The following PPWD1 variants were observed in gnomAD, a reference collection of about 807,000 sequenced individuals.
PPWD1 encodes peptidylprolyl isomerase domain and WD repeat-containing protein 1.
PPWD1 carries 43 observed loss-of-function variants against 68.8 expected under a neutral mutation model. The observed-to-expected ratio is 0.62, with a 90% CI of 0.49 to 0.81. The LOEUF (loss-of-function observed/expected upper bound fraction) is 0.81, where lower values mean the gene tolerates loss of function less well. PPWD1 is among the 30% of genes least tolerant of loss of function. PPWD1 has a pLI of 0.00. For missense variants in PPWD1, 672 were observed against 804.8 expected (o/e 0.83, Z 2.00); for synonymous variants, 232 against 258.7 (o/e 0.90, Z 0.99).
chr5:65,567,725 A>G lies in PPWD1; in HGVS notation c.299+110A>G, dbSNP rs1421624116. ...TAATTTTAAGATTTTGTAGATTTTT[A>G]ATTTCTTAAGTTCTGAAATAAAGGC... On this transcript the variant is annotated intron_variant, in intron 2 of 10. Transcript: ENST00000261308. 2.9e-6 allele frequency: 4 copies of G among 1,373,708 alleles called. No individual in the cohort carries two copies. In the African/African-American group the frequency reaches 5.8e-5, roughly 20 times the overall value. 85.1% of individuals were successfully genotyped at this position (1,373,708 alleles called of 1,614,324 possible).
At chr5:65,572,851 A>G (rs1024313195) in intron 5 of PPWD1, among the ~76,000 whole-genome samples, 6 of 152,058 alleles carry the variant, frequency 3.9e-5, no homozygotes, top group Admixed American at 3.3e-4. Flanking sequence ...GCTGTCACTA[A>G]CCATAGTTCA....
At chr5:65,566,934 GA>G (rs1752803780) in intron 1 of PPWD1, among the ~76,000 whole-genome samples, 1 of 151,478 alleles carries the variant, frequency 6.6e-6, no homozygotes, top group Non-Finnish European at 1.5e-5. Context: ...TTTGCCGTTG[GA>G]AAAAATTTGA....
chr5:65,585,834 A>G (rs941120636), intron 9 of PPWD1, 165 bp from the exon 10 acceptor site: 1 of 805,770 alleles, frequency 1.2e-6, no homozygotes, highest in Non-Finnish European at 1.5e-6. Context: ...TGGTTGGGCA[A>G]TGGAAATACA....
chr5:65,586,401 C>T (rs918038447), intron 10 of PPWD1, among the ~76,000 whole-genome samples: 1 of 152,104 alleles, frequency 6.6e-6, no homozygotes, highest in Non-Finnish European at 1.5e-5. Flanking sequence ...CAATGGACTA[C>T]GATTCAAGAT....
chr5:65,569,359 T>C, intron 2 of PPWD1: 1 of 288,270 alleles, frequency 3.5e-6, no homozygotes, highest in Non-Finnish European at 6.6e-6. Context: ...TAGTGATTCC[T>C]AGTGAGATTT....
chr5:65,583,431 G>C, intron 8 of PPWD1: 1 of 388,550 alleles, frequency 2.6e-6, no homozygotes. Context: ...GGTTCATTAC[G>C]AGGACAAAAT....
intron 5 of PPWD1, among the ~76,000 whole-genome samples, chr5:65,573,662 C>T (rs1438557822): frequency 2.7e-5 from 4 of 149,782 alleles, no homozygotes; most frequent in Non-Finnish European, 4.4e-5. Flanking sequence ...GTGTGAGGCA[C>T]GGTGCCAAGC....
Position 65,583,089 on chromosome 5 carries a change from G to GTT in PPWD1, c.1406_1407dup (p.Asn470LeufsTer68). On this transcript the variant is annotated frameshift_variant, in exon 8 of 11. Transcript: ENST00000261308. LOFTEE classifies it high-confidence loss of function. ...GAAAAGTGCAGATTCTGATCGAGATGTTTTTAATGAGAAACCTTCTAAAGA... is the reference window on the plus strand; with the variant it reads ...GAAAAGTGCAGATTCTGATCGAGATGTTTTTTTAATGAGAAACCTTCTAAAGA... 1 of 1,612,594 alleles carries GTT rather than the reference G, an allele frequency of 6.2e-7. No homozygotes were observed. The highest frequency in any genetic ancestry group is 1.1e-5 in the South Asian group (1 of 90,746).
intron 1 of PPWD1, among the ~76,000 whole-genome samples, chr5:65,564,780 CT>C (rs1752634112): frequency 6.6e-6 from 1 of 152,028 alleles, no homozygotes. Flanking sequence ...CGGTCTTGTA[CT>C]TTTTTTTCCT....
intron 5 of PPWD1, among the ~76,000 whole-genome samples, chr5:65,573,042 A>C (rs1454677653): frequency 6.6e-6 from 1 of 152,132 alleles, no homozygotes; most frequent in African/African-American, 2.4e-5. Context: ...GTCATGGCTT[A>C]CCATGTTGTG....
At chr5:65,578,625 C>T (rs1427607909) in intron 6 of PPWD1, among the ~76,000 whole-genome samples, 1 of 151,428 alleles carries the variant, frequency 6.6e-6, no homozygotes, top group Non-Finnish European at 1.5e-5. Flanking sequence ...ATTTGTATAT[C>T]TCTTTGATGA....
chr5:65,579,846 A>G (rs1481818815), intron 7 of PPWD1, among the ~76,000 whole-genome samples: 1 of 152,190 alleles, frequency 6.6e-6, no homozygotes, highest in Admixed American at 6.5e-5. Context: ...TTCCACAACT[A>G]TTTGTGTTGT....
At chr5:65,570,094 C>A (rs13167451) in intron 4 of PPWD1, 96 bp downstream of exon 4, 34,050 of 1,240,960 alleles carry the variant, frequency 0.027, 825 homozygotes, top group Middle Eastern at 0.092. Flanking sequence ...TAGTATATTA[C>A]CATATCTTTA....
rs1753504641 is a variant in PPWD1 at position 65,579,564 on chromosome 5, C to G, written c.1301C>G (p.Ala434Gly). 2 of 1,607,518 alleles carry G rather than the reference C, an allele frequency of 1.2e-6. No individual in the cohort carries two copies. Among genetic ancestry groups the G allele is most frequent in the Non-Finnish European group, 1.7e-6 (2 of 1,177,704 alleles). Residue 434 changes from alanine to glycine, a missense_variant, in exon 7 of 11, where the codon GCT becomes GGT. Transcript: ENST00000261308. ...AATCCTGTTCTTCAGAATATTCAAG[C>G]TGACCCAACAATAGTCTGTACATCA... is the stretch of plus-strand genomic sequence containing the variant. ...SENPVLQNIQ[A>G]DPTIVCTSFK...
intron 1 of PPWD1, among the ~76,000 whole-genome samples, chr5:65,564,714 C>T (rs1363842904): frequency 1.3e-5 from 2 of 152,136 alleles, no homozygotes; most frequent in African/African-American, 4.8e-5. Context: ...CTTCCATTAC[C>T]TTCCTCTCCC....
At chr5:65,565,610 TG>T (rs1305235720) in intron 1 of PPWD1, among the ~76,000 whole-genome samples, 1 of 151,760 alleles carries the variant, frequency 6.6e-6, no homozygotes, top group Non-Finnish European at 1.5e-5. Context: ...TAGACCAGCC[TG>T]ACCAACATGG....
At chr5:65,580,936 C>T (rs1235841333) in intron 7 of PPWD1, among the ~76,000 whole-genome samples, 3 of 152,164 alleles carry the variant, frequency 2.0e-5, no homozygotes, top group African/African-American at 7.2e-5. Context: ...TTTTTGGCCT[C>T]TGACGCTGTG....
intron 5 of PPWD1, 53 bp from the exon 6 acceptor site, chr5:65,576,820 TGATATA>T (rs374361968): frequency 5.1e-5 from 79 of 1,544,626 alleles, no homozygotes; most frequent in African/African-American, 2.2e-4. Flanking sequence ...ATAGATGGGT[TGATATA>T]GATATAGGTA....
chr5:65,576,020 G>C (rs143475555), intron 5 of PPWD1, among the ~76,000 whole-genome samples: 1 of 152,304 alleles, frequency 6.6e-6, no homozygotes, highest in African/African-American at 2.4e-5. Flanking sequence ...GCATTTGATA[G>C]ATGGCTAGTC....
Sources: gnomAD v4.1 joint callset for allele counts (sites outside exome capture counted in the v4.1 genomes callset) on GRCh38, gnomAD v4.1.1 for gene constraint, MANE v1.5 for transcripts, NCBI Gene and HGNC (gene_info 2026-07-23, HGNC 2026-07-21) for gene names.